NT5C3A: variants seen among roughly 807,000 people sequenced by gnomAD.
NT5C3A encodes the protein 5'-nucleotidase, cytosolic IIIA.
Under a neutral mutation model 40.0 loss-of-function variants are expected in NT5C3A, and 23 were observed. The ratio of observed to expected loss-of-function variants is 0.58; its 90% CI spans 0.41 to 0.81. NT5C3A has a LOEUF of 0.81. Ranked by LOEUF, NT5C3A falls within the 40% of genes least tolerant of loss-of-function variation. NT5C3A has a pLI of 0.00. For synonymous variants in NT5C3A, 130 were observed against 141.4 expected (o/e 0.92, Z 0.57); for missense variants, 328 against 403.0 (o/e 0.81, Z 1.59).
At chr7:33,043,438 A>G (rs534273483) in intron 1 of NT5C3A, among the ~76,000 whole-genome samples, 37 of 152,378 alleles carry the variant, frequency 2.4e-4, no homozygotes, top group African/African-American at 7.9e-4. Context: ...AGTAGCACCC[A>G]TCATGTCCAT....
intron 1 of NT5C3A, chr7:33,036,198 T>A: frequency 1.8e-6 from 1 of 565,362 alleles, no homozygotes; most frequent in South Asian, 2.0e-5. Flanking sequence ...GATAATCCAT[T>A]CAAGGAAGAT....
chr7:33,047,379 AG>A (rs1787197179), intron 1 of NT5C3A, among the ~76,000 whole-genome samples: 1 of 152,166 alleles, frequency 6.6e-6, no homozygotes, highest in Non-Finnish European at 1.5e-5. Flanking sequence ...GTAAATACTA[AG>A]GCAAGAGAAC....
rs532723248 is a variant in NT5C3A, at chr7:33,020,828, C to T, written c.440+444G>A. Among the ~76,000 whole-genome samples, 4 of 146,606 alleles carry T rather than the reference C, an allele frequency of 2.7e-5. No homozygotes were observed. The East Asian group carries it at 7.9e-4, about 29-fold the overall frequency. ...ATGGTTTCTCTTAACAGCATTCTTC[C>T]AGAATCCGACACAGTGCTTTCAGTG... On this transcript the variant is annotated intron_variant, in intron 5 of 8. Transcript: ENST00000610140.
At chr7:33,019,035 C>T (rs1195475309) in intron 6 of NT5C3A, among the ~76,000 whole-genome samples, 1 of 151,866 alleles carries the variant, frequency 6.6e-6, no homozygotes, top group African/African-American at 2.4e-5. Context: ...TTTGGGATCG[C>T]TTGAGCTCAA....
intron 1 of NT5C3A, among the ~76,000 whole-genome samples, chr7:33,059,726 A>G (rs1242137063): frequency 6.6e-6 from 1 of 152,228 alleles, no homozygotes; most frequent in Non-Finnish European, 1.5e-5. Context: ...ACTAGATTCA[A>G]AACTAGGTTT....
At chr7:33,026,487 TG>T (rs1203879151) in intron 2 of NT5C3A, among the ~76,000 whole-genome samples, 1 of 150,866 alleles carries the variant, frequency 6.6e-6, no homozygotes, top group Admixed American at 6.6e-5. Context: ...CCCAAGTAGC[TG>T]GGATTACAGG....
chr7:33,023,980 AG>A, intron 3 of NT5C3A, 58 bp downstream of exon 3: 1 of 984,034 alleles, frequency 1.0e-6, no homozygotes, highest in Non-Finnish European at 1.6e-6. Flanking sequence ...TAATATAAAG[AG>A]GATCTTAAAA....
chr7:33,028,183 C>T (rs1786051730), intron 1 of NT5C3A, among the ~76,000 whole-genome samples: 1 of 152,178 alleles, frequency 6.6e-6, no homozygotes, highest in Non-Finnish European at 1.5e-5. Flanking sequence ...GTGGCACATG[C>T]CTGTAATCCC....
At chr7:33,036,961 G>A (rs1786640102) in intron 1 of NT5C3A, among the ~76,000 whole-genome samples, 1 of 152,072 alleles carries the variant, frequency 6.6e-6, no homozygotes, top group Admixed American at 6.5e-5. Flanking sequence ...ACAGGCGCAT[G>A]CCGCCACGCC....
At chr7:33,039,044 T>G in intron 1 of NT5C3A, 2 of 380,516 alleles carry the variant, frequency 5.3e-6, no homozygotes, top group South Asian at 4.0e-5. Flanking sequence ...GATTAAGGTC[T>G]CTACTATAGC....
intron 1 of NT5C3A, among the ~76,000 whole-genome samples, chr7:33,051,264 A>G (rs2128016458): frequency 6.6e-6 from 1 of 152,140 alleles, no homozygotes; most frequent in East Asian, 1.9e-4. Context: ...CTGGGGTTCA[A>G]GTGATTCTCC....
intron 1 of NT5C3A, among the ~76,000 whole-genome samples, chr7:33,031,951 C>T (rs1272783451): frequency 6.6e-6 from 1 of 151,872 alleles, no homozygotes; most frequent in African/African-American, 2.4e-5. Flanking sequence ...ATAGTGAAAC[C>T]CTGTCTCTAT....
intron 1 of NT5C3A, among the ~76,000 whole-genome samples, chr7:33,039,673 A>G (rs1326932786): frequency 6.7e-6 from 1 of 148,972 alleles, no homozygotes; most frequent in African/African-American, 2.5e-5. Context: ...CATTTAAATA[A>G]TTCTTCCTAA....
At chr7:33,059,831 A>T (rs573511735) in intron 1 of NT5C3A, among the ~76,000 whole-genome samples, 1 of 152,332 alleles carries the variant, frequency 6.6e-6, no homozygotes, top group African/African-American at 2.4e-5. Flanking sequence ...TGCTAGTGCC[A>T]TAGTTTAAGA....
Position 33,015,437 on chromosome 7 carries a change from C to T in NT5C3A, c.894+233G>A, listed in dbSNP as rs560668109. 3.3e-5 allele frequency among the ~76,000 whole-genome samples: 5 copies of T among 152,154 alleles called. No individual in the cohort carries two copies. The East Asian group carries it at 7.7e-4, about 24-fold the overall frequency. On this transcript the variant is annotated intron_variant, in intron 8 of 8. Coordinates refer to ENST00000610140, the MANE Select transcript of NT5C3A (RefSeq NM_001002010.5). ...AATCAGCCAGGTGTAGTGGTGTGCG[C>T]CTGTAGTTCCAGCTACCTGAGGGGC...
intron 5 of NT5C3A, 21 bp from the exon 6 acceptor site, chr7:33,019,745 A>G: frequency 7.8e-7 from 1 of 1,277,724 alleles, no homozygotes; most frequent in Non-Finnish European, 1.1e-6. Context: ...TGACCAAAGG[A>G]AAAAAGACTA....
intron 7 of NT5C3A, among the ~76,000 whole-genome samples, chr7:33,016,582 A>G (rs1231585158): frequency 2.0e-5 from 3 of 147,842 alleles, no homozygotes; most frequent in Admixed American, 6.9e-5. Context: ...GGTAGGGAGA[A>G]TTGCTTGAAC....
At position 33,017,553 on chromosome 7, in the gene NT5C3A, G is replaced by T; in HGVS notation, c.579C>A (p.Pro193=). The change falls in exon 7 of 9, where the codon CCC becomes CCA. Residue 193 remains proline, a synonymous_variant. Transcript: ENST00000610140. The stretch of plus-strand genomic sequence containing the variant: ...CGATTCCAGCCGAAAATATGAACAC[G>T]GGGATGCTATGTTGTTGGAGCTTAT... ...FFDKLQQHSI[P]VFIFSAGIGD... 6.2e-7 allele frequency: 1 copy of T among 1,613,672 alleles called. No homozygotes were observed. The highest frequency in any genetic ancestry group is 8.5e-7 in the Non-Finnish European group (1 of 1,179,606).
In NT5C3A at chr7:33,044,954, T is replaced by A. The variant is rs1007877453; in HGVS notation, c.138+17614A>T. Among the ~76,000 whole-genome samples the A allele has an allele frequency of 2.8e-4, 43 of 152,326 alleles. 1 individual carries two copies. Among genetic ancestry groups the A allele is most frequent in the African/African-American group, 1.0e-3 (42 of 41,572 alleles). On this transcript the variant is annotated intron_variant, in intron 1 of 8. Coordinates refer to ENST00000610140, the MANE Select transcript of NT5C3A (RefSeq NM_001002010.5). The stretch of plus-strand genomic sequence containing the variant: ...AAAGTTGCATGTAAAAGAAATCACA[T>A]CATAATCCCACATAAAACTTGTAGC...
Sources: allele counts gnomAD v4.1 joint callset (sites outside exome capture counted in the v4.1 genomes callset), GRCh38; gene constraint gnomAD v4.1.1; transcripts MANE v1.5; gene names NCBI Gene and HGNC (gene_info 2026-07-23, HGNC 2026-07-21).